Variants in ADAM22 observed in about 807,000 individuals in gnomAD.
ADAM22 encodes disintegrin and metalloproteinase domain-containing protein 22.
Under a neutral mutation model 144.6 loss-of-function variants are expected in ADAM22, and 65 were observed. The observed-to-expected ratio is 0.45, with a 90% CI of 0.37 to 0.55. The LOEUF is 0.55. Ranked by LOEUF, ADAM22 falls within the 20% of genes least tolerant of loss-of-function variation. The probability of loss-of-function intolerance (pLI) is 0.00; values close to 1 mark genes in which losing one functional copy is unlikely to be tolerated. For synonymous variants in ADAM22, 391 were observed against 412.6 expected (o/e 0.95, Z 0.63); for missense variants, 974 against 1,184.9 (o/e 0.82, Z 2.61).
intron 22 of ADAM22, among the ~76,000 whole-genome samples, chr7:88,158,120 A>T (rs1278479056): frequency 6.6e-6 from 1 of 152,180 alleles, no homozygotes; most frequent in Non-Finnish European, 1.5e-5. Context: ...CAGACAAAAC[A>T]GACTTTAAGC....
intron 3 of ADAM22, among the ~76,000 whole-genome samples, chr7:88,000,303 C>T (rs1792236888): frequency 6.6e-6 from 1 of 152,160 alleles, no homozygotes; most frequent in African/African-American, 2.4e-5. Context: ...TAAAAATATA[C>T]ATCAATTAGA....
intron 3 of ADAM22, among the ~76,000 whole-genome samples, chr7:88,060,615 A>T (rs1425945225): frequency 6.6e-6 from 1 of 151,736 alleles, no homozygotes; most frequent in African/African-American, 2.4e-5. Context: ...AAAATAAAAA[A>T]ATTAGCCGGG....
intron 25 of ADAM22, chr7:88,168,452 A>G (rs560248692): frequency 1.8e-6 from 1 of 557,726 alleles, no homozygotes; most frequent in East Asian, 4.1e-5. Context: ...AGAACTGAGT[A>G]TTATTTAAAA....
intron 4 of ADAM22, among the ~76,000 whole-genome samples, chr7:88,107,044 G>A (rs1824573973): frequency 1.3e-5 from 2 of 152,010 alleles, no homozygotes; most frequent in Admixed American, 1.3e-4. Context: ...GAAAAGAATA[G>A]TATGAACCTG....
intron 3 of ADAM22, among the ~76,000 whole-genome samples, chr7:88,016,130 C>CT (rs1796494482): frequency 6.6e-6 from 1 of 152,108 alleles, no homozygotes; most frequent in Non-Finnish European, 1.5e-5. Context: ...GTCAGACTTG[C>CT]TAGTGTATGA....
chr7:87,949,606 T>C (rs1019837566), intron 2 of ADAM22, among the ~76,000 whole-genome samples: 1 of 152,210 alleles, frequency 6.6e-6, no homozygotes, highest in African/African-American at 2.4e-5. Flanking sequence ...TTTGAATTCA[T>C]ATGGCATATT....
chr7:88,179,335 C>G (rs766605746), intron 27 of ADAM22, among the ~76,000 whole-genome samples: 1 of 151,916 alleles, frequency 6.6e-6, no homozygotes, highest in African/African-American at 2.4e-5. Flanking sequence ...GCTTAAGAAA[C>G]TATACATAGT....
At chr7:88,147,560 A>G (rs1003375998) in intron 17 of ADAM22, among the ~76,000 whole-genome samples, 2 of 152,340 alleles carry the variant, frequency 1.3e-5, no homozygotes, top group Non-Finnish European at 2.9e-5. Flanking sequence ...CAATCAGTGA[A>G]GTTTGACCCA....
chr7:87,956,598 C>A (rs753577493), intron 2 of ADAM22, among the ~76,000 whole-genome samples: 1 of 152,158 alleles, frequency 6.6e-6, no homozygotes, highest in South Asian at 2.1e-4. Context: ...TGCCCATTTT[C>A]CCTAACTGCC....
intron 3 of ADAM22, 59 bp downstream of exon 3, chr7:87,978,471 A>G (rs2129448804): frequency 6.8e-7 from 1 of 1,471,714 alleles, no homozygotes; most frequent in South Asian, 1.2e-5. Flanking sequence ...TTTATTTTCC[A>G]CTTGTAAAGT....
rs1409061809 is a variant in ADAM22 at position 88,200,673 on chromosome 7, G to A, written c.*4182G>A. 6 of 152,274 alleles carry A rather than the reference G, an allele frequency of 3.9e-5. No homozygotes were observed. In the South Asian group the frequency reaches 1.2e-3, roughly 32 times the overall value. The allele number at this position is 152,274 out of a possible 1,614,324, so 9.4% of individuals were successfully genotyped here. On this transcript the variant is annotated 3_prime_UTR_variant, in exon 32 of 32. Coordinates refer to ENST00000413139, the MANE Select transcript of ADAM22 (RefSeq NM_001324418.2). ...CTTTCCACTCCGTTAAATGTATGGA[G>A]TCAAGATAAATTTCTCATTCTTGCT...
rs879631428 is a variant in ADAM22, at chr7:88,038,159, T to TATGG, written c.324-37466_324-37465insTGGA. On this transcript the variant is annotated intron_variant, in intron 3 of 31. Coordinates refer to ENST00000413139, the MANE Select transcript of ADAM22 (RefSeq NM_001324418.2). ...TTTAGCATTCTCCATGTCCTGTGGA[T>TATGG]AGATAAGTATACTCCATCTATTCTA... Among the ~76,000 whole-genome samples, 636 of 152,322 alleles carry TATGG rather than the reference T, an allele frequency of 4.2e-3. 4 individuals are homozygous for TATGG. Among genetic ancestry groups the TATGG allele is most frequent in the Non-Finnish European group, 5.3e-3 (362 of 68,036 alleles).
intron 2 of ADAM22, among the ~76,000 whole-genome samples, chr7:87,959,077 T>C (rs1847459216): frequency 6.6e-6 from 1 of 152,142 alleles, no homozygotes; most frequent in African/African-American, 2.4e-5. Context: ...AATATCTTAA[T>C]TTTTCACAAA....
intron 4 of ADAM22, among the ~76,000 whole-genome samples, chr7:88,079,409 C>T (rs1815774320): frequency 6.6e-6 from 1 of 152,140 alleles, no homozygotes; most frequent in South Asian, 2.1e-4. Flanking sequence ...ATTGTAAAGA[C>T]CATCGAGGCT....
At chr7:87,947,098 G>A (rs1269936596) in intron 2 of ADAM22, among the ~76,000 whole-genome samples, 3 of 151,698 alleles carry the variant, frequency 2.0e-5, no homozygotes, top group Non-Finnish European at 4.4e-5. Flanking sequence ...CTAACTGCTG[G>A]GTACTATGCT....
intron 2 of ADAM22, among the ~76,000 whole-genome samples, chr7:87,955,985 G>A (rs544772802): frequency 3.9e-4 from 60 of 152,308 alleles, no homozygotes; most frequent in African/African-American, 6.5e-4. Flanking sequence ...TCGGAAAAGC[G>A]CAGTATTCGG....
intron 26 of ADAM22, among the ~76,000 whole-genome samples, chr7:88,178,388 TTAAA>T (rs1190650379): frequency 6.6e-6 from 1 of 152,170 alleles, no homozygotes; most frequent in Non-Finnish European, 1.5e-5. Context: ...CGTATTTCTG[TTAAA>T]TGAATAATGA....
In ADAM22 at chr7:88,181,902, G is replaced by A. The variant is rs1015137541; in HGVS notation, c.2597-56G>A. ...ACCCACTTGAAATGCCTCGTAATTA[G>A]ACATAGGGCAATCACTTATTTACAT... On this transcript the variant is annotated intron_variant, in intron 28 of 31. Coordinates refer to ENST00000413139, the MANE Select transcript of ADAM22 (RefSeq NM_001324418.2). 44 of 1,494,084 alleles carry A rather than the reference G, an allele frequency of 2.9e-5. No homozygotes were observed. In the African/African-American group the frequency reaches 5.8e-4, roughly 20 times the overall value. 92.6% of individuals were successfully genotyped at this position (1,494,084 alleles called of 1,614,324 possible).
At chr7:88,190,301 G>A (rs947103416) in intron 30 of ADAM22, among the ~76,000 whole-genome samples, 2 of 152,104 alleles carry the variant, frequency 1.3e-5, no homozygotes, top group Admixed American at 6.5e-5. Flanking sequence ...TTGGGAGGCC[G>A]AGATGGGTGG....
Sources: gnomAD v4.1 joint callset for allele counts (sites outside exome capture counted in the v4.1 genomes callset) on GRCh38, gnomAD v4.1.1 for gene constraint, MANE v1.5 for transcripts, NCBI Gene and HGNC (gene_info 2026-07-23, HGNC 2026-07-21) for gene names.